LRRC4C: variants seen among roughly 807,000 people sequenced by gnomAD.
LRRC4C encodes the protein leucine rich repeat containing 4C, also known as leucine-rich repeat-containing protein 4C.
Under a neutral mutation model 33.6 loss-of-function variants are expected in LRRC4C, and 5 were observed. The observed-to-expected ratio is 0.15, with a 90% confidence interval of 0.08 to 0.31. The LOEUF is 0.31. Ranked by LOEUF, LRRC4C falls within the 10% of genes least tolerant of loss-of-function variation. The pLI, the probability that LRRC4C is intolerant of heterozygous loss-of-function variation, is 1.00. For synonymous variants in LRRC4C, 329 were observed against 302.0 expected (o/e 1.09, Z -0.93); for missense variants, 560 against 796.7 (o/e 0.70, Z 3.58).
Position 41,069,640 on chromosome 11 carries a change from C to A in LRRC4C, c.-495-135917G>T, listed in dbSNP as rs553253740. ...TACCAACAATACACAAGCAGAGAGC[C>A]AAATCATGAATGAACCCCCATTCAC... On this transcript the variant is annotated intron_variant, in intron 1 of 6. Transcript: ENST00000528697. 5.3e-4 allele frequency among the ~76,000 whole-genome samples: 81 copies of A among 152,132 alleles called. 2 individuals are homozygous for A. The South Asian group carries it at 0.017, about 32-fold the overall frequency.
chr11:40,533,936 A>G (rs906910099), intron 3 of LRRC4C, among the ~76,000 whole-genome samples: 3 of 152,276 alleles, frequency 2.0e-5, no homozygotes, highest in Admixed American at 6.5e-5. Flanking sequence ...ATGAGCATCA[A>G]GTAAGTGTGT....
intron 2 of LRRC4C, among the ~76,000 whole-genome samples, chr11:40,733,164 C>T (rs1947690114): frequency 6.7e-6 from 1 of 148,618 alleles, no homozygotes; most frequent in South Asian, 2.1e-4. Flanking sequence ...CAAGCTCCGC[C>T]TCCCGGGTTC....
In LRRC4C at chr11:40,696,405, C is replaced by CATAT. The variant is rs111572351; in HGVS notation, c.-406-48131_-406-48128dup. Among the ~76,000 whole-genome samples the CATAT allele has an allele frequency of 6.0e-3, 858 of 142,302 alleles. 5 individuals are homozygous for CATAT. The highest frequency in any genetic ancestry group is 0.03 in the Middle Eastern group (8 of 266). 93.4% of individuals were successfully genotyped at this position (142,302 alleles called of 152,430 possible). A position where few individuals can be genotyped will look rare whatever the true frequency, so the allele number is the denominator to read the frequency against. ...GGTATATATATATGAGTATACACAC[C>CATAT]ATATATATATATATGCTGGAGGTTA... On this transcript the variant is annotated intron_variant, in intron 2 of 6. Coordinates refer to ENST00000528697, the MANE Select transcript of LRRC4C (RefSeq NM_001258419.2).
chr11:41,445,187 A>C (rs1279280318), intron 1 of LRRC4C, among the ~76,000 whole-genome samples: 1 of 152,182 alleles, frequency 6.6e-6, no homozygotes, highest in Non-Finnish European at 1.5e-5. Context: ...TTAACATGCA[A>C]CCTTCGCTTC....
At chr11:41,032,358 C>G (rs1856777042) in intron 1 of LRRC4C, among the ~76,000 whole-genome samples, 1 of 152,010 alleles carries the variant, frequency 6.6e-6, no homozygotes, top group Non-Finnish European at 1.5e-5. Flanking sequence ...ACTCATCTAA[C>G]TTTGTAATTC....
At chr11:41,066,057 G>C (rs1938211511) in intron 1 of LRRC4C, among the ~76,000 whole-genome samples, 1 of 152,182 alleles carries the variant, frequency 6.6e-6, no homozygotes, top group Non-Finnish European at 1.5e-5. Flanking sequence ...GAACTGGATG[G>C]AGAATAAGAT....
At chr11:40,531,295 C>T (rs1184722399) in intron 3 of LRRC4C, among the ~76,000 whole-genome samples, 17 of 152,098 alleles carry the variant, frequency 1.1e-4, no homozygotes, top group Admixed American at 1.1e-3. Flanking sequence ...GCCCATTTCA[C>T]CTCCTTCATC....
chr11:40,488,382 C>T (rs138243970), intron 3 of LRRC4C, among the ~76,000 whole-genome samples: 14 of 152,128 alleles, frequency 9.2e-5, no homozygotes, highest in African/African-American at 3.4e-4. Flanking sequence ...TTCTCTGGGC[C>T]ATTTGACCCT....
intron 3 of LRRC4C, among the ~76,000 whole-genome samples, chr11:40,467,198 T>C (rs992361096): frequency 3.9e-5 from 6 of 152,140 alleles, no homozygotes; most frequent in Non-Finnish European, 8.8e-5. Flanking sequence ...GAGATACTTG[T>C]ATAAGATGTG....
At chr11:41,374,996 A>G (rs955009857) in intron 1 of LRRC4C, among the ~76,000 whole-genome samples, 5 of 151,926 alleles carry the variant, frequency 3.3e-5, no homozygotes, top group African/African-American at 9.7e-5. Context: ...GCGTGATGGC[A>G]TGCATCTATG....
chr11:41,001,704 T>G (rs1253220544), intron 1 of LRRC4C, among the ~76,000 whole-genome samples: 1 of 152,194 alleles, frequency 6.6e-6, no homozygotes, highest in Non-Finnish European at 1.5e-5. Flanking sequence ...AAATTAAATT[T>G]CTGGAAAAGA....
intron 1 of LRRC4C, among the ~76,000 whole-genome samples, chr11:41,347,153 C>T (rs1259612539): frequency 6.6e-6 from 1 of 152,192 alleles, no homozygotes; most frequent in Non-Finnish European, 1.5e-5. Flanking sequence ...TATGGTAGTA[C>T]ACATGGCATT....
chr11:40,602,132 T>G (rs1414757638), intron 3 of LRRC4C, among the ~76,000 whole-genome samples: 1 of 150,206 alleles, frequency 6.7e-6, no homozygotes, highest in African/African-American at 2.5e-5. Context: ...GAGGCAGAGA[T>G]TGCAGTGAGC....
intron 1 of LRRC4C, among the ~76,000 whole-genome samples, chr11:41,455,314 G>T (rs974585062): frequency 2.0e-4 from 31 of 152,040 alleles, no homozygotes; most frequent in Non-Finnish European, 3.2e-4. Context: ...TCCAAGTCTG[G>T]GGAAGTCAAG....
rs746833333 is a variant in LRRC4C at position 40,157,531 on chromosome 11, A to G, written c.-95-16678T>C. Among the ~76,000 whole-genome samples the G allele has an allele frequency of 9.2e-5, 14 of 152,348 alleles. No individual in the cohort carries two copies. The South Asian group carries it at 1.0e-3, about 11-fold the overall frequency. On this transcript the variant is annotated intron_variant, in intron 5 of 6. Transcript: ENST00000528697. ...TACATCTGACAAAGGACTAATATCC[A>G]GAATCTACCACAAACTCATACAAAT...
At chr11:40,776,066 G>A in intron 2 of LRRC4C, among the ~76,000 whole-genome samples, 1 of 152,046 alleles carries the variant, frequency 6.6e-6, no homozygotes, top group Admixed American at 6.5e-5. Flanking sequence ...TATATGTGGT[G>A]AATCACATTT....
intron 5 of LRRC4C, among the ~76,000 whole-genome samples, chr11:40,214,758 TG>T (rs1863853309): frequency 6.6e-6 from 1 of 152,166 alleles, no homozygotes. Context: ...TATTAATTTT[TG>T]TTGTTTAAAC....
chr11:41,138,994 G>T (rs1943387405), intron 1 of LRRC4C, among the ~76,000 whole-genome samples: 1 of 152,192 alleles, frequency 6.6e-6, no homozygotes, highest in South Asian at 2.1e-4. Context: ...TTCTGATTAT[G>T]TTTGGAAGCT....
chr11:40,166,789 G>A (rs1859630948), intron 5 of LRRC4C, among the ~76,000 whole-genome samples: 1 of 151,992 alleles, frequency 6.6e-6, no homozygotes, highest in Non-Finnish European at 1.5e-5. Flanking sequence ...AAATGAAAAA[G>A]ACTAGAACAG....
Sources: gnomAD v4.1 joint callset for allele counts (sites outside exome capture counted in the v4.1 genomes callset) on GRCh38, gnomAD v4.1.1 for gene constraint, MANE v1.5 for transcripts, NCBI Gene and HGNC (gene_info 2026-07-23, HGNC 2026-07-21) for gene names.